Variants in MICALL1 observed in about 807,000 individuals in gnomAD.
MICALL1 encodes MICAL like 1.
MICALL1 carries 61 observed loss-of-function variants against 83.7 expected under a neutral mutation model. The observed-to-expected ratio is 0.73, with a 90% CI of 0.59 to 0.90. The LOEUF is 0.90. Ranked by LOEUF, MICALL1 falls within the 40% of genes least tolerant of loss-of-function variation. MICALL1 has a pLI of 0.00. For synonymous variants in MICALL1, 481 were observed against 473.6 expected (o/e 1.02, Z -0.20); for missense variants, 1,066 against 1,152.0 (o/e 0.93, Z 1.08).
Position 37,941,021 on chromosome 22 carries a change from T to C in MICALL1, c.*191T>C. The C allele has an allele frequency of 1.6e-6, 1 of 638,680 alleles. No homozygotes were observed. The highest frequency in any genetic ancestry group is 2.6e-6 in the Non-Finnish European group (1 of 391,862). The allele number at this position is 638,680 out of a possible 1,614,324, so 39.6% of individuals were successfully genotyped here. A position where few individuals can be genotyped will look rare whatever the true frequency, so the allele number is the denominator to read the frequency against. On this transcript the variant is annotated 3_prime_UTR_variant, in exon 16 of 16. Transcript: ENST00000215957. ...TCTGGGCCAAAGAATCTCTTGTTTC[T>C]TCTCCGAGCCCCAGGCAGCGGTGAT...
rs1409529420 is a variant in MICALL1 at position 37,925,690 on chromosome 22, G to C, written c.1112G>C (p.Trp371Ser). ...CCAGCCCCCAGGAAGGACCCCCCAT[G>C]GATCACGCTGGTGCAGGCAGAACCA... ...GTPAPRKDPP[W>S]ITLVQAEPKK... Residue 371 changes from tryptophan to serine, a missense_variant, in exon 8 of 16, where the codon TGG becomes TCG. Transcript: ENST00000215957. 3 of 1,607,430 alleles carry C rather than the reference G, an allele frequency of 1.9e-6. No individual in the cohort carries two copies. The South Asian group carries it at 3.3e-5, about 18-fold the overall frequency.
chr22:37,937,177 G>A lies in MICALL1; in HGVS notation c.2406G>A (p.Leu802=). 1.3e-6 allele frequency: 2 copies of A among 1,551,432 alleles called. No individual in the cohort carries two copies. The highest frequency in any genetic ancestry group is 2.7e-5 in the African/African-American group (2 of 73,124). The change falls in exon 14 of 16, where the codon CTG becomes CTA. Residue 802 remains leucine, a synonymous_variant. Transcript: ENST00000215957. The part of the protein sequence containing the change: ...IEQRNAIINC[L]DEDRQREEEE... Reference sequence around the variant, plus strand: ...AGCGCAACGCTATCATCAACTGCCTGGATGAGGACCGGCAGAGGTGACATG... The same window carrying A: ...AGCGCAACGCTATCATCAACTGCCTAGATGAGGACCGGCAGAGGTGACATG...
At chr22:37,915,443 A>G (rs1207669478) in intron 3 of MICALL1, among the ~76,000 whole-genome samples, 1 of 152,136 alleles carries the variant, frequency 6.6e-6, no homozygotes, top group African/African-American at 2.4e-5. Flanking sequence ...GAGGCAGTCT[A>G]AGGTTGGGGT....
chr22:37,921,155 A>T (rs1444068263), intron 5 of MICALL1, among the ~76,000 whole-genome samples: 2 of 152,208 alleles, frequency 1.3e-5, no homozygotes, highest in East Asian at 3.8e-4. Flanking sequence ...CTAGATGTAA[A>T]TATTTACCTG....
At position 37,919,018 on chromosome 22, in the gene MICALL1, C is replaced by A; in HGVS notation, c.427-18C>A. On this transcript the variant is annotated intron_variant, in intron 4 of 15. Transcript: ENST00000215957. ...GACCATGTCCTGCTCCCAACCTCCC[C>A]CACCTCGTTCTCTGCAGGGCGAGGA... 6.5e-7 allele frequency: 1 copy of A among 1,534,662 alleles called. No homozygotes were observed.
intron 1 of MICALL1, among the ~76,000 whole-genome samples, chr22:37,910,327 C>T (rs915697369): frequency 6.6e-6 from 1 of 151,990 alleles, no homozygotes; most frequent in Admixed American, 6.6e-5. Context: ...AATGTGACCC[C>T]AGCCTTCTTG....
chr22:37,906,592 C>G lies in MICALL1; in HGVS notation c.146+24C>G, dbSNP rs141181905. On this transcript the variant is annotated intron_variant, in intron 1 of 15. Coordinates refer to ENST00000215957, the MANE Select transcript of MICALL1 (RefSeq NM_033386.4). The surrounding 1 kb of genome is among the most constrained non-coding windows in gnomAD (Gnocchi z 4.4). ...CTGTGAGTGCGGGGCCCCGGGCGAG[C>G]GGGCGGCGCGGGGCGGGCTGGGGCC... The G allele has an allele frequency of 0.011, 12,857 of 1,123,144 alleles. 921 individuals carry two copies. The African/African-American group carries it at 0.17, about 15-fold the overall frequency. 69.6% of individuals were successfully genotyped at this position (1,123,144 alleles called of 1,614,324 possible). A position where few individuals can be genotyped will look rare whatever the true frequency, so the allele number is the denominator to read the frequency against.
At position 37,908,700 on chromosome 22, in the gene MICALL1, A is replaced by G. The variant is rs142076263; in HGVS notation, c.146+2132A>G. Among the ~76,000 whole-genome samples the G allele has an allele frequency of 1.5e-4, 23 of 152,330 alleles. No homozygotes were observed. In the East Asian group the frequency reaches 4.2e-3, roughly 28 times the overall value. On this transcript the variant is annotated intron_variant, in intron 1 of 15. Transcript: ENST00000215957. ...CCTGGTAATGGAAGTACCAATCGAC[A>G]AAACAGGCAACCCTACACGCTCTCC...
In MICALL1 at chr22:37,941,132, C is replaced by T. The variant is rs551135409; in HGVS notation, c.*302C>T. 95 of 268,082 alleles carry T rather than the reference C, an allele frequency of 3.5e-4. No homozygotes were observed. Among genetic ancestry groups the T allele is most frequent in the Non-Finnish European group, 5.3e-4 (70 of 132,926 alleles). The allele number at this position is 268,082 out of a possible 1,614,324, so 16.6% of individuals were successfully genotyped here. ...TAGGGTCCCAGGGTCCAGGGAGGGG[C>T]GCCTGCTGAGCACTTCCGCCCCTCA... On this transcript the variant is annotated 3_prime_UTR_variant, in exon 16 of 16. Transcript: ENST00000215957.
Position 37,930,022 on chromosome 22 carries a change from C to T in MICALL1, c.1882-1777C>T, listed in dbSNP as rs931270680. Reference sequence around the variant, plus strand: ...GCTCCCACAGATGGTGAGGGGCTGGCGGCACCAAGTGTCCTGAGTGCTCGA... The same window carrying T: ...GCTCCCACAGATGGTGAGGGGCTGGTGGCACCAAGTGTCCTGAGTGCTCGA... On this transcript the variant is annotated intron_variant, in intron 9 of 15. Coordinates refer to ENST00000215957, the MANE Select transcript of MICALL1 (RefSeq NM_033386.4). The surrounding 1 kb of genome is among the most constrained non-coding windows in gnomAD (Gnocchi z 4.8). Among the ~76,000 whole-genome samples, 2 of 152,202 alleles carry T rather than the reference C, an allele frequency of 1.3e-5. No individual in the cohort carries two copies. The highest frequency in any genetic ancestry group is 4.8e-5 in the African/African-American group (2 of 41,466).
At chr22:37,912,057 G>A (rs1928363881) in intron 2 of MICALL1, 57 bp downstream of exon 2, 5 of 1,584,400 alleles carry the variant, frequency 3.2e-6, no homozygotes, top group Non-Finnish European at 4.3e-6. Context: ...GTGTGTGTGT[G>A]TGTGTGTTTG....
intron 6 of MICALL1, among the ~76,000 whole-genome samples, chr22:37,922,932 C>G (rs1276901758): frequency 2.0e-5 from 3 of 148,686 alleles, no homozygotes. Flanking sequence ...GCCACTGTGC[C>G]CAGCCTATTA....
At position 37,932,997 on chromosome 22, in the gene MICALL1, C is replaced by G; in HGVS notation, c.2235-42C>G. 1 of 1,613,432 alleles carries G rather than the reference C, an allele frequency of 6.2e-7. No individual in the cohort carries two copies. Among genetic ancestry groups the G allele is most frequent in the South Asian group, 1.1e-5 (1 of 91,066 alleles). On this transcript the variant is annotated intron_variant, in intron 12 of 15. Coordinates refer to ENST00000215957, the MANE Select transcript of MICALL1 (RefSeq NM_033386.4). The surrounding 1 kb of genome is among the most constrained non-coding windows in gnomAD (Gnocchi z 4.4). The stretch of plus-strand genomic sequence containing the variant: ...ACAGCGCAGGGCAGGGCAGCCGGGG[C>G]TCGGGCAGAATTGTTAAGAGTCACC...
chr22:37,921,941 C>T, intron 5 of MICALL1, 31 bp from the exon 6 acceptor site: 1 of 1,515,280 alleles, frequency 6.6e-7, no homozygotes, highest in East Asian at 2.3e-5. Flanking sequence ...AGCTGCCTGG[C>T]TAAGTGAACC....
intron 5 of MICALL1, 90 bp downstream of exon 5, chr22:37,919,268 G>A (rs944148815): frequency 1.5e-6 from 2 of 1,370,580 alleles, no homozygotes; most frequent in African/African-American, 1.5e-5. Context: ...ACCTTGCCAG[G>A]CCCTTCACAC....
At chr22:37,913,177 T>A (rs369961800) in intron 3 of MICALL1, among the ~76,000 whole-genome samples, 9 of 152,024 alleles carry the variant, frequency 5.9e-5, no homozygotes, top group Non-Finnish European at 1.0e-4. Context: ...TTGGCCAGGC[T>A]GGTCTTGAAC....
chr22:37,912,499 G>C lies in MICALL1; in HGVS notation c.337+7G>C. 1.3e-6 allele frequency: 2 copies of C among 1,595,626 alleles called. No homozygotes were observed. Among genetic ancestry groups the C allele is most frequent in the Non-Finnish European group, 1.7e-6 (2 of 1,166,712 alleles). On this transcript the variant is annotated splice_region_variant and intron_variant, in intron 3 of 15. Transcript: ENST00000215957. ...TTCTGCAGTCCTGGCCAAGGTGAGA[G>C]GGGGACTCAGCGTTTCACGGAGGCT... is the stretch of plus-strand genomic sequence containing the variant.
intron 9 of MICALL1, among the ~76,000 whole-genome samples, chr22:37,931,390 A>G (rs1929777276): frequency 6.6e-6 from 1 of 151,698 alleles, no homozygotes; most frequent in Non-Finnish European, 1.5e-5. Context: ...AAAAAAAAAA[A>G]GTAAATACAA....
chr22:37,924,144 C>T lies in MICALL1; in HGVS notation c.1025-516C>T, dbSNP rs1363946712. Among the ~76,000 whole-genome samples, 1 of 152,204 alleles carries T rather than the reference C, an allele frequency of 6.6e-6. No individual in the cohort carries two copies. Among genetic ancestry groups the T allele is most frequent in the Non-Finnish European group, 1.5e-5 (1 of 68,044 alleles). ...GCACCAGAACATTCTATTTGTTCAG[C>T]TCTTGTGGAGGCTGGATCTGAGCTG... On this transcript the variant is annotated intron_variant, in intron 6 of 15. Transcript: ENST00000215957. The surrounding 1 kb of genome is among the most constrained non-coding windows in gnomAD (Gnocchi z 5.2).
Sources: allele counts gnomAD v4.1 joint callset (sites outside exome capture counted in the v4.1 genomes callset), GRCh38; gene constraint gnomAD v4.1.1; non-coding constraint Gnocchi (gnomAD v3.1); transcripts MANE v1.5; gene names NCBI Gene and HGNC (gene_info 2026-07-23, HGNC 2026-07-21).